The following NUP43 variants were observed in gnomAD, a reference collection of about 807,000 sequenced individuals.
NUP43 encodes the protein nucleoporin 43, also known as nucleoporin Nup43.
Under a neutral mutation model 47.3 loss-of-function variants are expected in NUP43, and 32 were observed. The observed-to-expected ratio is 0.68, with a 90% CI of 0.51 to 0.91. The LOEUF (loss-of-function observed/expected upper bound fraction) is 0.91, where lower values mean the gene tolerates loss of function less well. NUP43 is among the 40% of genes least tolerant of loss of function. The pLI, the probability that NUP43 is intolerant of heterozygous loss-of-function variation, is 0.00. For missense variants in NUP43, 444 were observed against 453.9 expected (o/e 0.98, Z 0.20); for synonymous variants, 147 against 158.4 (o/e 0.93, Z 0.54).
rs1431092066 is a variant in NUP43 at position 149,736,551 on chromosome 6, C to T, written c.710G>A (p.Gly237Asp). 4 of 1,611,588 alleles carry T rather than the reference C, an allele frequency of 2.5e-6. No homozygotes were observed. Among genetic ancestry groups the T allele is most frequent in the Non-Finnish European group, 3.4e-6 (4 of 1,177,978 alleles). Residue 237 changes from glycine to aspartate, a missense_variant, in exon 6 of 8, where the codon GGC (glycine) becomes GAC (aspartate). Physicochemically the swap from Gly to Asp is moderately conservative, Grantham distance 94. Coordinates refer to ENST00000340413, the MANE Select transcript of NUP43 (RefSeq NM_198887.3). ...CCAAATACTCAACATTCCATCTTGG[C>T]CACCAGTAGCTACAACATGCTGTTG... ...PNQQHVVATG[G>D]QDGMLSIWDV...
chr6:149,728,383 T>C (rs1013372983), intron 7 of NUP43: 22 of 984,318 alleles, frequency 2.2e-5, no homozygotes, highest in Middle Eastern at 5.2e-4. Flanking sequence ...ACATACTTAG[T>C]TAATCCTTAG....
chr6:149,727,824 A>T, intron 7 of NUP43: 2 of 984,870 alleles, frequency 2.0e-6, no homozygotes, highest in Non-Finnish European at 2.4e-6. Context: ...AAAGTGAGGC[A>T]GAGGCAGTAT....
At chr6:149,737,532 G>C in intron 5 of NUP43, among the ~76,000 whole-genome samples, 1 of 152,108 alleles carries the variant, frequency 6.6e-6, no homozygotes, top group East Asian at 1.9e-4. Flanking sequence ...CCAAAATGTT[G>C]GGATTACAGG....
intron 4 of NUP43, among the ~76,000 whole-genome samples, chr6:149,739,286 T>C (rs576253127): frequency 1.3e-3 from 204 of 151,792 alleles, no homozygotes; most frequent in African/African-American, 4.7e-3. Flanking sequence ...CCTACTGTTT[T>C]CTTTTTCTTT....
At position 149,727,131 on chromosome 6, in the gene NUP43, A is replaced by G. The variant is rs148216839; in HGVS notation, c.981T>C (p.Ile327=). The change falls in exon 8 of 8, where the codon ATT becomes ATC. Residue 327 remains isoleucine (I), a synonymous_variant. Coordinates refer to ENST00000340413, the MANE Select transcript of NUP43 (RefSeq NM_198887.3). ...CAGGATCAGTGCTGAGCCAGGAGCT[A>G]ATGACAGACTGGTGAACATTAGCTT... ...SNQANVHQSV[I]SSWLSTDPAK... 85 of 1,614,048 alleles carry G rather than the reference A, an allele frequency of 5.3e-5. No homozygotes were observed. Among genetic ancestry groups the G allele is most frequent in the Non-Finnish European group, 6.4e-5 (75 of 1,180,032 alleles).
rs1784770031 is a variant in NUP43 at position 149,725,765 on chromosome 6, T to C, written c.*1204A>G. On this transcript the variant is annotated 3_prime_UTR_variant, in exon 8 of 8. Coordinates refer to ENST00000340413, the MANE Select transcript of NUP43 (RefSeq NM_198887.3). ...TCTAACAAAGTTTGGAAAGATAGTA[T>C]CATTAAATTATCTTAAAACACTACA... 6.6e-6 allele frequency: 1 copy of C among 152,188 alleles called. No homozygotes were observed. The highest frequency in any genetic ancestry group is 2.4e-5 in the African/African-American group (1 of 41,450). The allele number at this position is 152,188 out of a possible 1,614,324, so 9.4% of individuals were successfully genotyped here. A position where few individuals can be genotyped will look rare whatever the true frequency, so the allele number is the denominator to read the frequency against.
In NUP43 at chr6:149,746,360, C is replaced by G. The variant is rs375227079; in HGVS notation, c.120+16G>C. The stretch of plus-strand genomic sequence containing the variant: ...AGAGGGAGGAGGTAGGGGCTCGTCC[C>G]TATCAGCGGCGATACCTCATTGTCC... On this transcript the variant is annotated intron_variant, in intron 1 of 7. Coordinates refer to ENST00000340413, the MANE Select transcript of NUP43 (RefSeq NM_198887.3). 2 of 1,612,690 alleles carry G rather than the reference C, an allele frequency of 1.2e-6. No homozygotes were observed. The highest frequency in any genetic ancestry group is 2.7e-5 in the African/African-American group (2 of 74,862).
intron 6 of NUP43, among the ~76,000 whole-genome samples, chr6:149,732,571 C>T (rs556282284): frequency 4.0e-5 from 6 of 151,160 alleles, no homozygotes; most frequent in Non-Finnish European, 7.4e-5. Flanking sequence ...AATGTCCAGG[C>T]GCAGTGGCTC....
chr6:149,744,741 C>A (rs1440298128), intron 2 of NUP43, among the ~76,000 whole-genome samples: 1 of 150,918 alleles, frequency 6.6e-6, no homozygotes, highest in Admixed American at 6.6e-5. Context: ...GAGGCTGAGG[C>A]AGGAGAATTG....
rs1784805364 is a variant in NUP43, at chr6:149,726,716, T to C, written c.*253A>G. On this transcript the variant is annotated 3_prime_UTR_variant, in exon 8 of 8. Transcript: ENST00000340413. ...TCAATAATACTCTGAAGGCAACCTATTCATCAGCACCAGAATCCCACTGAT... is the reference window on the plus strand; with the variant it reads ...TCAATAATACTCTGAAGGCAACCTACTCATCAGCACCAGAATCCCACTGAT... The C allele has an allele frequency of 2.0e-6, 1 of 493,994 alleles. No individual in the cohort carries two copies. Among genetic ancestry groups the C allele is most frequent in the African/African-American group, 1.9e-5 (1 of 51,754 alleles). The allele number at this position is 493,994 out of a possible 1,614,324, so 30.6% of individuals were successfully genotyped here. A position where few individuals can be genotyped will look rare whatever the true frequency, so the allele number is the denominator to read the frequency against.
intron 3 of NUP43, 126 bp downstream of exon 3, chr6:149,743,512 T>C: frequency 3.4e-6 from 2 of 583,668 alleles, no homozygotes; most frequent in South Asian, 4.0e-5. Context: ...GGAGAATCAC[T>C]TGAACTCAGA....
Position 149,727,173 on chromosome 6 carries a change from A to T in NUP43, c.939T>A (p.Ser313=). ...CATTAGCTTGGTTACTAATGCTATGAGACAAAAAAGTACTGCTTCTTCCTC... is the reference window on the plus strand; with the variant it reads ...CATTAGCTTGGTTACTAATGCTATGTGACAAAAAAGTACTGCTTCTTCCTC... ...HQGGRSSTFL[S]HSISNQANVH... is the part of the protein sequence containing the mutation. Residue 313 remains serine, a synonymous_variant, in exon 8 of 8, where the codon TCT becomes TCA. Coordinates refer to ENST00000340413, the MANE Select transcript of NUP43 (RefSeq NM_198887.3). 6.2e-7 allele frequency: 1 copy of T among 1,614,096 alleles called. No homozygotes were observed. Among genetic ancestry groups the T allele is most frequent in the Non-Finnish European group, 8.5e-7 (1 of 1,179,980 alleles).
At chr6:149,746,648 A>C (rs768643643), upstream of NUP43, 10 of 1,574,254 alleles carry the variant, frequency 6.4e-6, no homozygotes, top group Non-Finnish European at 7.7e-6. Flanking sequence ...GTGTGGGCAC[A>C]GTCAGTACCT....
intron 2 of NUP43, among the ~76,000 whole-genome samples, chr6:149,744,721 A>G (rs1403250573): frequency 6.6e-6 from 1 of 151,544 alleles, no homozygotes; most frequent in Non-Finnish European, 1.5e-5. Context: ...CTGTTGTCCC[A>G]GCTACTCGGG....
At chr6:149,741,780 C>T (rs1456792535) in intron 4 of NUP43, among the ~76,000 whole-genome samples, 4 of 152,202 alleles carry the variant, frequency 2.6e-5, no homozygotes, top group South Asian at 4.1e-4. Flanking sequence ...GCTGGGGTAA[C>T]AGGCATGAGC....
chr6:149,738,760 GTAC>G lies in NUP43; in HGVS notation c.518_520del (p.Ser173del), dbSNP rs1785492207. On this transcript the variant is annotated inframe_deletion, in exon 5 of 8. Transcript: ENST00000340413. The stretch of plus-strand genomic sequence containing the variant: ...TCGAAGAAAGGTTACAGCATGGAGT[GTAC>G]TACTATCTGCATTGTCTAAAAATTT... The G allele has an allele frequency of 6.5e-7, 1 of 1,547,852 alleles. No individual in the cohort carries two copies. The highest frequency in any genetic ancestry group is 8.7e-7 in the Non-Finnish European group (1 of 1,149,472).
At chr6:149,740,275 C>CAAAAA (rs766447484) in intron 4 of NUP43, among the ~76,000 whole-genome samples, 8 of 22,416 alleles carry the variant, frequency 3.6e-4, no homozygotes, top group Admixed American at 6.9e-4. Context: ...GACCCTGTCT[C>CAAAAA]AAAAAAAAAA....
intron 7 of NUP43, among the ~76,000 whole-genome samples, chr6:149,730,056 C>T (rs979421277): frequency 6.6e-6 from 1 of 150,824 alleles, no homozygotes; most frequent in African/African-American, 2.4e-5. Flanking sequence ...GCTATCCAGG[C>T]TGGAGTGCAA....
At position 149,725,378 on chromosome 6, in the gene NUP43, G is replaced by A. The variant is rs1784757899; in HGVS notation, c.*1591C>T. ...GGAGGCTGAGGCAGGTGGATCATGA[G>A]GTCAGTTCAAGACCAGCCTGGCCAA... On this transcript the variant is annotated 3_prime_UTR_variant, in exon 8 of 8. Transcript: ENST00000340413. 6.6e-6 allele frequency: 1 copy of A among 152,170 alleles called. No homozygotes were observed. Among genetic ancestry groups the A allele is most frequent in the Admixed American group, 6.5e-5 (1 of 15,268 alleles). The allele number at this position is 152,170 out of a possible 1,614,324, so 9.4% of individuals were successfully genotyped here. A position where few individuals can be genotyped will look rare whatever the true frequency, so the allele number is the denominator to read the frequency against.
Sources: allele counts gnomAD v4.1 joint callset (sites outside exome capture counted in the v4.1 genomes callset), GRCh38; gene constraint gnomAD v4.1.1; transcripts MANE v1.5; gene names NCBI Gene and HGNC (gene_info 2026-07-23, HGNC 2026-07-21).